CDH13: variants seen among roughly 807,000 people sequenced by gnomAD.
The protein encoded by CDH13 is cadherin 13.
In CDH13, 24 loss-of-function variants were observed where a neutral mutation model predicts 63.8. That is an observed-to-expected ratio of 0.38 (90% CI 0.27 to 0.53). The LOEUF is 0.53. Ranked by LOEUF, CDH13 falls within the 20% of genes least tolerant of loss-of-function variation. The probability of loss-of-function intolerance (pLI) is 0.85; values close to 1 mark genes in which losing one functional copy is unlikely to be tolerated. For missense variants in CDH13, 1,049 were observed against 903.1 expected (o/e 1.16, Z -2.07); for synonymous variants, 503 against 355.3 (o/e 1.42, Z -4.67).
At chr16:83,290,054 T>G (rs888729916) in intron 5 of CDH13, among the ~76,000 whole-genome samples, 1 of 152,196 alleles carries the variant, frequency 6.6e-6, no homozygotes, top group African/African-American at 2.4e-5. Flanking sequence ...TTTGGGGACT[T>G]TCTACTGATG....
At position 83,120,669 on chromosome 16, in the gene CDH13, A is replaced by G. The variant is rs58317056; in HGVS notation, c.367-4716A>G. On this transcript the variant is annotated intron_variant, in intron 3 of 13. Coordinates refer to ENST00000567109, the MANE Select transcript of CDH13 (RefSeq NM_001257.5). ...CAGATATTACAAATATATTTTACGT[A>G]TTTCCTATTTTTGCCACCCTTAACA... is the stretch of plus-strand genomic sequence containing the variant. Among the ~76,000 whole-genome samples the G allele has an allele frequency of 2.7e-5, 4 of 150,932 alleles. No individual in the cohort carries two copies. In the South Asian group the frequency reaches 8.4e-4, roughly 32 times the overall value.
chr16:83,228,164 G>A (rs1333970625), intron 5 of CDH13, among the ~76,000 whole-genome samples: 1 of 152,142 alleles, frequency 6.6e-6, no homozygotes, highest in Non-Finnish European at 1.5e-5. Flanking sequence ...CTCAACCATG[G>A]ATGCTTCAGT....
chr16:83,036,720 C>G (rs1026530655), intron 3 of CDH13, among the ~76,000 whole-genome samples: 2 of 152,160 alleles, frequency 1.3e-5, no homozygotes, highest in African/African-American at 4.8e-5. Context: ...ACCCTGTGTT[C>G]TGCTTCTTCC....
chr16:82,717,612 C>G (rs1417773520), intron 1 of CDH13, among the ~76,000 whole-genome samples: 2 of 152,150 alleles, frequency 1.3e-5, no homozygotes, highest in African/African-American at 4.8e-5. Context: ...CCACATCAGT[C>G]TAGTCCCTGG....
chr16:83,228,070 C>T (rs375055550), intron 5 of CDH13, among the ~76,000 whole-genome samples: 6 of 152,086 alleles, frequency 3.9e-5, no homozygotes, highest in East Asian at 1.9e-4. Context: ...TGGGAGGGGC[C>T]GTGAGAAGGG....
intron 1 of CDH13, among the ~76,000 whole-genome samples, chr16:82,830,765 C>G (rs2038500682): frequency 1.3e-5 from 2 of 152,136 alleles, no homozygotes; most frequent in African/African-American, 4.8e-5. Flanking sequence ...TAAAAGAAGG[C>G]CAGTAAAAAT....
intron 2 of CDH13, among the ~76,000 whole-genome samples, chr16:82,882,469 C>T (rs544818061): frequency 7.2e-5 from 11 of 152,310 alleles, no homozygotes; most frequent in African/African-American, 2.2e-4. Flanking sequence ...CAGACCTGGC[C>T]GCTGGCAGGC....
At chr16:82,899,608 T>G (rs530721049) in intron 2 of CDH13, among the ~76,000 whole-genome samples, 73 of 152,220 alleles carry the variant, frequency 4.8e-4, no homozygotes, top group African/African-American at 1.6e-3. Context: ...CCTGTGTGTG[T>G]GTGTGTGTTT....
chr16:83,156,563 T>A (rs2037214919), intron 4 of CDH13, among the ~76,000 whole-genome samples: 1 of 152,192 alleles, frequency 6.6e-6, no homozygotes, highest in Non-Finnish European at 1.5e-5. Flanking sequence ...TTGTTGTGGT[T>A]GTTGCACAAA....
In CDH13 at chr16:82,690,958, A is replaced by G. The variant is rs555376119; in HGVS notation, c.45+63821A>G. 1.1e-3 allele frequency among the ~76,000 whole-genome samples: 168 copies of G among 152,310 alleles called. 1 individual carries two copies. The highest frequency in any genetic ancestry group is 3.9e-3 in the African/African-American group (163 of 41,554). ...AATCAGTCATCTAGCTGGGAAGGTA[A>G]AGGTTGAGAGGAAAGCCAGCCAATG... is the stretch of plus-strand genomic sequence containing the variant. On this transcript the variant is annotated intron_variant, in intron 1 of 13. Transcript: ENST00000567109.
intron 8 of CDH13, among the ~76,000 whole-genome samples, chr16:83,662,643 A>G (rs998427789): frequency 6.6e-6 from 1 of 152,162 alleles, no homozygotes; most frequent in African/African-American, 2.4e-5. Context: ...ATGCTTTTAT[A>G]CATGTTTAAT....
At chr16:83,309,383 C>CTT (rs144221361) in intron 5 of CDH13, among the ~76,000 whole-genome samples, 58 of 149,860 alleles carry the variant, frequency 3.9e-4, no homozygotes, top group African/African-American at 9.0e-4. Context: ...TCTCTCCCTT[C>CTT]TTTTTTTTTT....
intron 2 of CDH13, among the ~76,000 whole-genome samples, chr16:82,966,558 C>G (rs1187313610): frequency 2.0e-5 from 3 of 152,220 alleles, no homozygotes; most frequent in Non-Finnish European, 4.4e-5. Context: ...CCAGATTGCT[C>G]TGATTCTAGA....
intron 4 of CDH13, among the ~76,000 whole-genome samples, chr16:83,160,518 C>T (rs1427496150): frequency 6.6e-6 from 1 of 152,038 alleles, no homozygotes; most frequent in Non-Finnish European, 1.5e-5. Flanking sequence ...ATGAATTTGA[C>T]CCATGACGTA....
rs140170420 is a variant in CDH13 at position 83,789,114 on chromosome 16, CATA to C, written c.2134+5647_2134+5649del. The stretch of plus-strand genomic sequence containing the variant: ...TTCTTCCTAACCAAAAAGGGATGGA[CATA>C]ATAAGACATGTAAGAATCTGGGTCA... On this transcript the variant is annotated intron_variant, in intron 13 of 13. Coordinates refer to ENST00000567109, the MANE Select transcript of CDH13 (RefSeq NM_001257.5). 1.1e-4 allele frequency among the ~76,000 whole-genome samples: 17 copies of C among 152,192 alleles called. No individual in the cohort carries two copies. In the East Asian group the frequency reaches 3.3e-3, roughly 29 times the overall value.
chr16:83,115,543 G>C (rs572167811), intron 3 of CDH13, among the ~76,000 whole-genome samples: 1 of 152,308 alleles, frequency 6.6e-6, no homozygotes, highest in African/African-American at 2.4e-5. Flanking sequence ...ACATCTTTGC[G>C]TGAAGCCTGC....
chr16:82,651,956 C>A (rs1567591519), intron 1 of CDH13, among the ~76,000 whole-genome samples: 1 of 152,188 alleles, frequency 6.6e-6, no homozygotes, highest in Admixed American at 6.5e-5. Flanking sequence ...TCAGGAAGGG[C>A]CAGCGCCATC....
chr16:82,997,094 G>A (rs901902232), intron 2 of CDH13, among the ~76,000 whole-genome samples: 1 of 151,516 alleles, frequency 6.6e-6, no homozygotes, highest in Non-Finnish European at 1.5e-5. Context: ...CGGTGGTGAT[G>A]ATGGTGATGG....
At chr16:83,572,271 C>T (rs1291443813) in intron 7 of CDH13, among the ~76,000 whole-genome samples, 1 of 151,234 alleles carries the variant, frequency 6.6e-6, no homozygotes, top group Non-Finnish European at 1.5e-5. Context: ...ATTGCAATCT[C>T]TGCCTCCTGG....
Sources: gnomAD v4.1 joint callset for allele counts (sites outside exome capture counted in the v4.1 genomes callset) on GRCh38, gnomAD v4.1.1 for gene constraint, MANE v1.5 for transcripts, NCBI Gene and HGNC (gene_info 2026-07-23, HGNC 2026-07-21) for gene names.